OPCML: variants seen among roughly 807,000 people sequenced by gnomAD.
OPCML encodes opioid binding protein/cell adhesion molecule like, also known as opioid-binding protein/cell adhesion molecule.
A neutral mutation model predicts 37.8 loss-of-function variants in OPCML; 13 were observed. The ratio of observed to expected loss-of-function variants is 0.34; its 90% CI spans 0.22 to 0.55. The LOEUF is 0.55. Among genes scored for constraint, OPCML ranks in the 20% least tolerant of loss-of-function variants. The probability of loss-of-function intolerance (pLI) is 0.91; values close to 1 mark genes in which losing one functional copy is unlikely to be tolerated. For synonymous variants in OPCML, 176 were observed against 168.8 expected (o/e 1.04, Z -0.33); for missense variants, 341 against 435.6 (o/e 0.78, Z 1.93).
intron 2 of OPCML, among the ~76,000 whole-genome samples, chr11:132,833,680 C>T (rs913750158): frequency 4.6e-5 from 7 of 152,174 alleles, no homozygotes; most frequent in Non-Finnish European, 8.8e-5. Flanking sequence ...AGCATCACTA[C>T]AAAAATGGGA....
At chr11:133,192,236 A>G (rs932514496) in intron 1 of OPCML, among the ~76,000 whole-genome samples, 3 of 152,200 alleles carry the variant, frequency 2.0e-5, no homozygotes, top group South Asian at 2.1e-4. Context: ...GCCAGAGTCA[A>G]TAATACTAAT....
intron 1 of OPCML, among the ~76,000 whole-genome samples, chr11:133,345,696 G>A (rs892116683): frequency 7.9e-5 from 12 of 152,030 alleles, no homozygotes; most frequent in African/African-American, 1.9e-4. Flanking sequence ...GACTAGGGCC[G>A]TAGAGAGCAA....
intron 1 of OPCML, among the ~76,000 whole-genome samples, chr11:133,181,235 A>G (rs1396418351): frequency 1.3e-5 from 2 of 152,142 alleles, no homozygotes; most frequent in East Asian, 1.9e-4. Context: ...GAAAACTGCA[A>G]AGGACTAAAT....
intron 4 of OPCML, among the ~76,000 whole-genome samples, chr11:132,474,834 C>G (rs2096149862): frequency 6.6e-6 from 1 of 152,204 alleles, no homozygotes; most frequent in African/African-American, 2.4e-5. Context: ...GGATTGCAGT[C>G]ACTATGGTGT....
At chr11:133,219,130 T>C (rs958438807) in intron 1 of OPCML, among the ~76,000 whole-genome samples, 2 of 152,220 alleles carry the variant, frequency 1.3e-5, no homozygotes, top group African/African-American at 4.8e-5. Context: ...ATGATACCTA[T>C]CTTATATGCA....
intron 3 of OPCML, among the ~76,000 whole-genome samples, chr11:132,541,666 G>C (rs1250611209): frequency 6.6e-6 from 1 of 152,126 alleles, no homozygotes; most frequent in Non-Finnish European, 1.5e-5. Flanking sequence ...TTAAGGATTA[G>C]GTACTAGAAG....
chr11:132,808,248 G>A (rs1939130094), intron 2 of OPCML, among the ~76,000 whole-genome samples: 1 of 152,220 alleles, frequency 6.6e-6, no homozygotes, highest in Admixed American at 6.5e-5. Context: ...CCGACTGCGG[G>A]ATGTTGAGAC....
At chr11:132,498,595 AC>A (rs2096238585) in intron 4 of OPCML, among the ~76,000 whole-genome samples, 1 of 152,012 alleles carries the variant, frequency 6.6e-6, no homozygotes, top group Non-Finnish European at 1.5e-5. Context: ...ATACTCTACG[AC>A]CCCTCCACAG....
In OPCML at chr11:132,946,274, T is replaced by G. The variant is rs761766535; in HGVS notation, c.62-3264A>C. Among the ~76,000 whole-genome samples, 13 of 152,266 alleles carry G rather than the reference T, an allele frequency of 8.5e-5. No homozygotes were observed. In the Middle Eastern group the frequency reaches 0.01, roughly 120 times the overall value. ...GCAATGCCTTCTTCTAAATCCCTCC[T>G]GAAGGACCTGCCTGTGGCTGTTTTA... On this transcript the variant is annotated intron_variant, in intron 1 of 7. Coordinates refer to ENST00000524381, the MANE Select transcript of OPCML (RefSeq NM_001012393.5).
intron 1 of OPCML, among the ~76,000 whole-genome samples, chr11:132,982,296 G>A (rs571654415): frequency 9.5e-4 from 145 of 151,976 alleles, no homozygotes; most frequent in Admixed American, 4.8e-3. Context: ...CCAAATGTGT[G>A]TGATCCCTCT....
chr11:132,831,486 A>C (rs539784448), intron 2 of OPCML, among the ~76,000 whole-genome samples: 33 of 152,266 alleles, frequency 2.2e-4, no homozygotes, highest in African/African-American at 7.5e-4. Context: ...TTGTAGGTGA[A>C]TCAGTCTTGC....
chr11:133,018,154 A>C (rs1947372804), intron 1 of OPCML, among the ~76,000 whole-genome samples: 1 of 152,186 alleles, frequency 6.6e-6, no homozygotes, highest in Non-Finnish European at 1.5e-5. Context: ...CTCTTATTTA[A>C]GAGTCTGATA....
chr11:132,793,576 T>G (rs1938086251), intron 2 of OPCML, among the ~76,000 whole-genome samples: 1 of 152,074 alleles, frequency 6.6e-6, no homozygotes. Context: ...TACAATCCCT[T>G]GAGATGATTT....
Position 132,621,543 on chromosome 11 carries a change from C to T in OPCML, c.379+35544G>A, listed in dbSNP as rs986883197. Among the ~76,000 whole-genome samples the T allele has an allele frequency of 6.6e-5, 10 of 152,156 alleles. No individual in the cohort carries two copies. In the East Asian group the frequency reaches 9.6e-4, roughly 15 times the overall value. ...TATGTTGAGTGAAGGAAGCTGCACA[C>T]AAATGAGTACCTCCTAGATGAATCC... On this transcript the variant is annotated intron_variant, in intron 3 of 7. Coordinates refer to ENST00000524381, the MANE Select transcript of OPCML (RefSeq NM_001012393.5).
intron 4 of OPCML, among the ~76,000 whole-genome samples, chr11:132,457,031 G>A (rs915343512): frequency 1.3e-5 from 2 of 152,166 alleles, no homozygotes; most frequent in African/African-American, 4.8e-5. Flanking sequence ...GAGGCAAGGG[G>A]AAGACAGGAG....
rs190984333 is a variant in OPCML at position 133,391,968 on chromosome 11, C to T, written c.61+140296G>A. On this transcript the variant is annotated intron_variant, in intron 1 of 7. Coordinates refer to ENST00000524381, the MANE Select transcript of OPCML (RefSeq NM_001012393.5). ...GAAGCTAAGAGCAGAATTAAGATAA[C>T]CCAGTGCCAAAGTCCATAATCAATC... Among the ~76,000 whole-genome samples, 26 of 152,098 alleles carry T rather than the reference C, an allele frequency of 1.7e-4. No homozygotes were observed. In the East Asian group the frequency reaches 3.5e-3, roughly 20 times the overall value.
At chr11:132,928,095 T>C (rs1945062461) in intron 2 of OPCML, among the ~76,000 whole-genome samples, 2 of 151,844 alleles carry the variant, frequency 1.3e-5, no homozygotes, top group Non-Finnish European at 2.9e-5. Context: ...AAAAAATATA[T>C]AACAAAACAG....
At chr11:132,701,387 C>CAT (rs1943809746) in intron 2 of OPCML, among the ~76,000 whole-genome samples, 1 of 152,196 alleles carries the variant, frequency 6.6e-6, no homozygotes, top group Non-Finnish European at 1.5e-5. Context: ...ACAGCCAAAC[C>CAT]ATATCAATGA....
chr11:132,554,666 C>G (rs1284845548), intron 3 of OPCML, among the ~76,000 whole-genome samples: 2 of 152,094 alleles, frequency 1.3e-5, no homozygotes, highest in East Asian at 1.9e-4. Flanking sequence ...AGAGCTTTCA[C>G]TGTCACATTG....
Sources: allele counts gnomAD v4.1 joint callset (sites outside exome capture counted in the v4.1 genomes callset), GRCh38; gene constraint gnomAD v4.1.1; transcripts MANE v1.5; gene names NCBI Gene and HGNC (gene_info 2026-07-23, HGNC 2026-07-21).